The following NDUFS4 variants were observed in gnomAD, a reference collection of about 807,000 sequenced individuals.
The protein encoded by NDUFS4 is NADH dehydrogenase [ubiquinone] iron-sulfur protein 4, mitochondrial.
A neutral mutation model predicts 24.3 loss-of-function variants in NDUFS4; 28 were observed. The observed-to-expected ratio is 1.15, with a 90% confidence interval of 0.85 to 1.58. The LOEUF (loss-of-function observed/expected upper bound fraction) is 1.58, where lower values mean the gene tolerates loss of function less well. Ranked by LOEUF, NDUFS4 falls within the 40% of genes most tolerant of loss-of-function variation. The pLI, the probability that NDUFS4 is intolerant of heterozygous loss-of-function variation, is 0.00. For synonymous variants in NDUFS4, 93 were observed against 69.7 expected (o/e 1.34, Z -1.67); for missense variants, 223 against 207.9 (o/e 1.07, Z -0.45).
chr5:53,676,421 G>T (rs115504591), intron 4 of NDUFS4, among the ~76,000 whole-genome samples: 1 of 152,200 alleles, frequency 6.6e-6, no homozygotes, highest in Non-Finnish European at 1.5e-5. Context: ...TGTTTTATAT[G>T]TGTTTTTGTT....
chr5:53,563,998 G>C (rs764201134), intron 1 of NDUFS4, among the ~76,000 whole-genome samples: 2 of 152,122 alleles, frequency 1.3e-5, no homozygotes, highest in Admixed American at 1.3e-4. Flanking sequence ...TCTCACCTTA[G>C]TATTTACTAG....
intron 1 of NDUFS4, among the ~76,000 whole-genome samples, chr5:53,578,712 A>G (rs917183751): frequency 6.6e-6 from 1 of 152,086 alleles, no homozygotes; most frequent in Non-Finnish European, 1.5e-5. Flanking sequence ...GAACATTATC[A>G]TCACTGTCCT....
rs144184739 is a variant in NDUFS4, at chr5:53,560,752, T to A, written c.90T>A (p.Val30=). ...TAGCTGCCCTTTCCGTTTCCAGGGT[T>A]CCGACCAGGTAATAGAATTTTCACA... ...VAVAALSVSR[V]PTRSLRTSTW... is the part of the protein sequence containing the mutation. The change falls in exon 1 of 5, where the codon GTT becomes GTA. Residue 30 remains valine, a synonymous_variant. Transcript: ENST00000296684. 4.2e-5 allele frequency: 68 copies of A among 1,614,082 alleles called. No homozygotes were observed. Among genetic ancestry groups the A allele is most frequent in the Non-Finnish European group, 5.7e-5 (67 of 1,180,048 alleles).
chr5:53,678,569 G>T (rs1740551608), intron 4 of NDUFS4, among the ~76,000 whole-genome samples: 1 of 152,128 alleles, frequency 6.6e-6, no homozygotes, highest in Non-Finnish European at 1.5e-5. Context: ...TATGATTGTA[G>T]ACTATACCTT....
At chr5:53,589,852 A>T (rs966425021) in intron 1 of NDUFS4, among the ~76,000 whole-genome samples, 8 of 152,162 alleles carry the variant, frequency 5.3e-5, no homozygotes, top group Non-Finnish European at 1.0e-4. Flanking sequence ...CCCGTGGTGG[A>T]TGCTTCCTGC....
intron 1 of NDUFS4, among the ~76,000 whole-genome samples, chr5:53,576,027 T>C (rs542931071): frequency 6.6e-6 from 1 of 152,338 alleles, no homozygotes; most frequent in East Asian, 1.9e-4. Context: ...GAAAATACAT[T>C]GAATCACTGG....
intron 2 of NDUFS4, among the ~76,000 whole-genome samples, chr5:53,628,428 A>T (rs1057036753): frequency 6.6e-6 from 1 of 152,092 alleles, no homozygotes; most frequent in Admixed American, 6.5e-5. Flanking sequence ...CTCATTTTCT[A>T]TTGATTGGAA....
At chr5:53,640,007 G>A (rs561353092) in intron 2 of NDUFS4, among the ~76,000 whole-genome samples, 1 of 152,148 alleles carries the variant, frequency 6.6e-6, no homozygotes, top group African/African-American at 2.4e-5. Context: ...GTTAGTGACT[G>A]AGGAAACATC....
intron 1 of NDUFS4, among the ~76,000 whole-genome samples, chr5:53,591,461 T>TTGGG (rs1491299426): frequency 8.6e-5 from 7 of 81,216 alleles, no homozygotes; most frequent in African/African-American, 2.0e-4. Context: ...TTGTTTTTTT[T>TTGGG]GGGGGGGGGG....
intron 2 of NDUFS4, among the ~76,000 whole-genome samples, chr5:53,640,124 G>A (rs1350357117): frequency 6.6e-6 from 1 of 151,882 alleles, no homozygotes; most frequent in Non-Finnish European, 1.5e-5. Context: ...TTGCTTTTGG[G>A]AGACCTTGAA....
At chr5:53,672,605 GT>G (rs11333312) in intron 4 of NDUFS4, among the ~76,000 whole-genome samples, 103,159 of 151,080 alleles carry the variant, frequency 0.68, 35,534 homozygotes, top group African/African-American at 0.77. Context: ...TGAAACAAAG[GT>G]TTTTTTTTTC....
intron 4 of NDUFS4, among the ~76,000 whole-genome samples, chr5:53,666,549 T>G (rs1752519038): frequency 6.6e-6 from 1 of 152,246 alleles, no homozygotes; most frequent in Non-Finnish European, 1.5e-5. Context: ...TGTCCTATCT[T>G]GGTCACTGCT....
At chr5:53,664,900 T>C (rs907620630) in intron 4 of NDUFS4, among the ~76,000 whole-genome samples, 1 of 152,192 alleles carries the variant, frequency 6.6e-6, no homozygotes, top group Non-Finnish European at 1.5e-5. Context: ...GGAGGAGAAG[T>C]GCTCTGATTT....
At chr5:53,646,962 C>A (rs1019050116) in intron 3 of NDUFS4, among the ~76,000 whole-genome samples, 2 of 151,794 alleles carry the variant, frequency 1.3e-5, no homozygotes, top group Admixed American at 1.3e-4. Flanking sequence ...TGGAACTTGT[C>A]CCCCCTCAGA....
intron 2 of NDUFS4, among the ~76,000 whole-genome samples, chr5:53,628,502 G>C (rs992431717): frequency 3.9e-5 from 6 of 152,104 alleles, no homozygotes; most frequent in African/African-American, 1.4e-4. Context: ...CTATGAATCT[G>C]TCTGGTTCTG....
chr5:53,603,606 G>C, intron 2 of NDUFS4, 76 bp downstream of exon 2: 1 of 1,163,836 alleles, frequency 8.6e-7, no homozygotes, highest in Non-Finnish European at 1.3e-6. Context: ...TCAGTATGGT[G>C]TTCCAGGTTT....
chr5:53,662,468 T>C (rs1043676128), intron 4 of NDUFS4, among the ~76,000 whole-genome samples: 2 of 152,178 alleles, frequency 1.3e-5, no homozygotes, highest in Admixed American at 1.3e-4. Flanking sequence ...TTTTTTGTTG[T>C]GTCTCTGCCA....
intron 1 of NDUFS4, among the ~76,000 whole-genome samples, chr5:53,600,677 C>T (rs1175746200): frequency 6.6e-6 from 1 of 152,150 alleles, no homozygotes; most frequent in East Asian, 1.9e-4. Flanking sequence ...CCTTAACTGT[C>T]CAGAATTGGA....
intron 4 of NDUFS4, among the ~76,000 whole-genome samples, chr5:53,675,652 GTTC>G (rs1740445183): frequency 6.6e-6 from 1 of 152,192 alleles, no homozygotes; most frequent in African/African-American, 2.4e-5. Context: ...CCAAAGAGCT[GTTC>G]TTTTCTGAGG....
Sources: gnomAD v4.1 joint callset for allele counts (sites outside exome capture counted in the v4.1 genomes callset) on GRCh38, gnomAD v4.1.1 for gene constraint, MANE v1.5 for transcripts, NCBI Gene and HGNC (gene_info 2026-07-23, HGNC 2026-07-21) for gene names.